The following ZSCAN20 variants were observed in gnomAD, a reference collection of about 807,000 sequenced individuals.
ZSCAN20 encodes the protein zinc finger and SCAN domain-containing protein 20.
Under a neutral mutation model 97.1 loss-of-function variants are expected in ZSCAN20, and 39 were observed. The observed-to-expected ratio is 0.40, with a 90% CI of 0.31 to 0.52. The LOEUF (loss-of-function observed/expected upper bound fraction) is 0.52. Among genes scored for constraint, ZSCAN20 ranks in the 20% least tolerant of loss-of-function variants. ZSCAN20 has a pLI of 0.49. For synonymous variants in ZSCAN20, 456 were observed against 467.3 expected, an observed-to-expected ratio of 0.98 and a Z score of 0.31; for missense variants, 1,115 against 1,290.4, an observed-to-expected ratio of 0.86 and a Z score of 2.08.
Position 33,496,316 on chromosome 1 carries a change from A to C in ZSCAN20, c.*840A>C, listed in dbSNP as rs1652861106. ...TTTGTAGACCACATTTCCTGTTATGAAATTTCCACATTTTGAATTTTTTAA... is the reference window on the plus strand; with the variant it reads ...TTTGTAGACCACATTTCCTGTTATGCAATTTCCACATTTTGAATTTTTTAA... On this transcript the variant is annotated 3_prime_UTR_variant, in exon 8 of 8. Transcript: ENST00000684572. 6.6e-6 allele frequency: 1 copy of C among 152,214 alleles called. No homozygotes were observed. The highest frequency in any genetic ancestry group is 3.2e-3 in the Middle Eastern group (1 of 316). The allele number at this position is 152,214 out of a possible 1,614,324, so 9.4% of individuals were successfully genotyped here. A position where few individuals can be genotyped will look rare whatever the true frequency, so the allele number is the denominator to read the frequency against.
chr1:33,489,682 T>G, intron 5 of ZSCAN20, 80 bp downstream of exon 5: 1 of 1,300,988 alleles, frequency 7.7e-7, no homozygotes, highest in Non-Finnish European at 1.1e-6. Context: ...TGCCGCTCCT[T>G]TAAGAATCAT....
Position 33,501,460 on chromosome 1 carries a change from C to CAG in ZSCAN20, c.*5984_*5985insAG, listed in dbSNP as rs1239506167. Among the ~76,000 whole-genome samples, 1 of 151,692 alleles carries CAG rather than the reference C, an allele frequency of 6.6e-6. No homozygotes were observed. The highest frequency in any genetic ancestry group is 2.4e-5 in the African/African-American group (1 of 41,254). On this transcript the variant is annotated 3_prime_UTR_variant, in exon 8 of 8. Transcript: ENST00000684572. ...TCCAATTCTAAAACCTGAACAGGCCCTTTTGTTTTGCAATTTGTGGACCAA... is the reference window on the plus strand; with the variant it reads ...TCCAATTCTAAAACCTGAACAGGCCCAGTTTTGTTTTGCAATTTGTGGACCAA...
In ZSCAN20 at chr1:33,495,448, G is replaced by A; in HGVS notation, c.3104G>A (p.Arg1035Lys). 6.4e-7 allele frequency: 1 copy of A among 1,552,426 alleles called. No individual in the cohort carries two copies. The highest frequency in any genetic ancestry group is 8.7e-7 in the Non-Finnish European group (1 of 1,148,816). ...AGTTCCCACTTCAGTGCTCACCGGA[G>A]AACCCATGCAGGAGGGAAGGCGTCG... ...NNSSHFSAHR[R>K]THAGGKAS The change falls in exon 8 of 8, where the codon AGA (arginine) becomes AAA (lysine). Residue 1035 changes from arginine (R) to lysine (K), a missense_variant. Coordinates refer to ENST00000684572, the MANE Select transcript of ZSCAN20 (RefSeq NM_001377376.1).
At position 33,491,092 on chromosome 1, in the gene ZSCAN20, T is replaced by C. The variant is rs1319357931; in HGVS notation, c.834T>C (p.Ser278=). The C allele has an allele frequency of 6.2e-7, 1 of 1,612,726 alleles. No homozygotes were observed. Among genetic ancestry groups the C allele is most frequent in the Non-Finnish European group, 8.5e-7 (1 of 1,179,796 alleles). The change falls in exon 6 of 8, where the codon AGT becomes AGC. Residue 278 remains serine, a synonymous_variant. Transcript: ENST00000684572. The surrounding 1 kb of genome is among the most constrained non-coding windows in gnomAD (Gnocchi z 4.3). ...AAGGACCAGAGTTTTGGGGTCTAAGTCTTATAAATTCTGGGAAAAGGAGCA... is the reference window on the plus strand; with the variant it reads ...AAGGACCAGAGTTTTGGGGTCTAAGCCTTATAAATTCTGGGAAAAGGAGCA... ...KEQGPEFWGL[S]LINSGKRSTA... is the part of the protein sequence containing the mutation.
At chr1:33,489,754 C>G in intron 5 of ZSCAN20, 152 bp downstream of exon 5, 1 of 733,572 alleles carries the variant, frequency 1.4e-6, no homozygotes. Flanking sequence ...AGCCAGCACT[C>G]TCATGGCAGG....
chr1:33,489,427 TCCCATC>T, intron 4 of ZSCAN20, 85 bp from the exon 5 acceptor site: 1 of 1,305,234 alleles, frequency 7.7e-7, no homozygotes, highest in South Asian at 1.2e-5. Context: ...ATCCCTCTGT[TCCCATC>T]ATCTTTCCTG....
Position 33,491,637 on chromosome 1 carries a change from T to C in ZSCAN20, c.1379T>C (p.Val460Ala). ...GAAGACTGTAACGGTGCTGGCCTGG[T>C]CAATGTTGAGTCTACCCAGGGGCCC... Reference protein sequence around the residue: ...MAEDCNGAGLVNVESTQGPRI... With the variant: ...MAEDCNGAGLANVESTQGPRI... The change falls in exon 6 of 8, where the codon GTC becomes GCC. Residue 460 changes from valine to alanine, a missense_variant. Coordinates refer to ENST00000684572, the MANE Select transcript of ZSCAN20 (RefSeq NM_001377376.1). The surrounding 1 kb of genome is among the most constrained non-coding windows in gnomAD (Gnocchi z 4.3). 1 of 1,614,080 alleles carries C rather than the reference T, an allele frequency of 6.2e-7. No homozygotes were observed. The highest frequency in any genetic ancestry group is 1.1e-5 in the South Asian group (1 of 91,054).
chr1:33,478,273 G>C (rs1381082932), intron 1 of ZSCAN20, among the ~76,000 whole-genome samples: 1 of 152,158 alleles, frequency 6.6e-6, no homozygotes, highest in Non-Finnish European at 1.5e-5. Flanking sequence ...TCAGGTGGAA[G>C]ACATGATGAT....
At chr1:33,489,463 A>G in intron 4 of ZSCAN20, 55 bp from the exon 5 acceptor site, 1 of 1,567,158 alleles carries the variant, frequency 6.4e-7, no homozygotes, top group South Asian at 1.1e-5. Context: ...TAGGGTTCCT[A>G]GGCTGTTGTC....
At chr1:33,472,774 TG>T (rs1421694440) in intron 1 of ZSCAN20, 83 bp downstream of exon 1, 1 of 121,274 alleles carries the variant, frequency 8.2e-6, no homozygotes, top group African/African-American at 3.3e-5. Context: ...CACAGGGGGC[TG>T]GGGAAGGTGA....
rs185273276 is a variant in ZSCAN20, at chr1:33,491,741, C to T, written c.1444+39C>T. 1.3e-6 allele frequency: 2 copies of T among 1,524,294 alleles called. No individual in the cohort carries two copies. The highest frequency in any genetic ancestry group is 2.3e-5 in the East Asian group (1 of 44,156). 94.4% of individuals were successfully genotyped at this position (1,524,294 alleles called of 1,614,324 possible). A position where few individuals can be genotyped will look rare whatever the true frequency, so the allele number is the denominator to read the frequency against. ...GGTTTAGTCAGATTCAGATTTCCAA[C>T]CCTCCTACCAGCTAGACTGCTATTC... On this transcript the variant is annotated intron_variant, in intron 6 of 7. Coordinates refer to ENST00000684572, the MANE Select transcript of ZSCAN20 (RefSeq NM_001377376.1). This position sits in a 1 kb window ranked among gnomAD's most constrained non-coding sequence, Gnocchi z 4.3.
rs1157879388 is a variant in ZSCAN20, at chr1:33,491,607, T to A, written c.1349T>A (p.Met450Lys). Reference sequence around the variant, plus strand: ...GAAGGGGGCTGGGATCCTGAAGAAATGGCAGAAGACTGTAACGGTGCTGGC... The same window carrying A: ...GAAGGGGGCTGGGATCCTGAAGAAAAGGCAGAAGACTGTAACGGTGCTGGC... ...QEEGGWDPEE[M>K]AEDCNGAGLV... Residue 450 changes from methionine to lysine, a missense_variant, in exon 6 of 8, where the codon ATG (methionine) becomes AAG (lysine). Met to Lys is a moderately conservative substitution (Grantham distance 95). This residue lies in a region of ZSCAN20 where 508 missense variants were observed against 611.2 expected (regional missense o/e 0.83). Transcript: ENST00000684572. The surrounding 1 kb of genome is among the most constrained non-coding windows in gnomAD (Gnocchi z 4.3). The A allele has an allele frequency of 1.9e-6, 3 of 1,613,962 alleles. No homozygotes were observed. In the African/African-American group the frequency reaches 4.0e-5, roughly 22 times the overall value.
At chr1:33,490,882 A>G (rs1321615852) in intron 5 of ZSCAN20, 143 bp from the exon 6 acceptor site, 5 of 705,072 alleles carry the variant, frequency 7.1e-6, no homozygotes, top group South Asian at 2.0e-5. Flanking sequence ...CTCTCTCCCT[A>G]TTCCTGTAAA....
chr1:33,489,651 C>T, intron 5 of ZSCAN20, 49 bp downstream of exon 5: 2 of 1,550,724 alleles, frequency 1.3e-6, no homozygotes, highest in Non-Finnish European at 1.8e-6. Flanking sequence ...TTCTGATACA[C>T]CCAGTTCCCA....
Position 33,491,167 on chromosome 1 carries a change from G to C in ZSCAN20, c.909G>C (p.Arg303Ser), listed in dbSNP as rs745858190. The C allele has an allele frequency of 1.2e-6, 2 of 1,614,014 alleles. No homozygotes were observed. Among genetic ancestry groups the C allele is most frequent in the African/African-American group, 2.7e-5 (2 of 74,902 alleles). Residue 303 changes from arginine to serine, a missense_variant, in exon 6 of 8, where the codon AGG (arginine) becomes AGC (serine). This residue lies in a region of ZSCAN20 where 508 missense variants were observed against 611.2 expected (regional missense o/e 0.83). Transcript: ENST00000684572. This position sits in a 1 kb window ranked among gnomAD's most constrained non-coding sequence, Gnocchi z 4.3. ...DNEPAQALTW[R>S]DSRAWEEQYQ... ...AGCCAGCTCAGGCATTGACCTGGAG[G>C]GATTCAAGAGCCTGGGAGGAACAAT...
At chr1:33,478,085 G>C (rs1459914555) in intron 1 of ZSCAN20, among the ~76,000 whole-genome samples, 5 of 152,182 alleles carry the variant, frequency 3.3e-5, no homozygotes. Context: ...ATGGTAAAGA[G>C]ACGAGTTGGA....
Position 33,494,282 on chromosome 1 carries a change from T to C in ZSCAN20, c.1938T>C (p.Pro646=), listed in dbSNP as rs1232085698. The part of the protein sequence containing the change: ...ISEQDIFEGL[P]GALSKCPTEA... ...AGCAGGACATTTTTGAGGGTTTGCC[T>C]GGAGCCTTATCAAAATGTCCTACAG... Residue 646 remains proline (P), a synonymous_variant, in exon 8 of 8, where the codon CCT becomes CCC. Coordinates refer to ENST00000684572, the MANE Select transcript of ZSCAN20 (RefSeq NM_001377376.1). The C allele has an allele frequency of 6.2e-7, 1 of 1,613,046 alleles. No individual in the cohort carries two copies.
At chr1:33,485,363 G>C (rs1162722673) in intron 2 of ZSCAN20, among the ~76,000 whole-genome samples, 1 of 152,090 alleles carries the variant, frequency 6.6e-6, no homozygotes, top group Admixed American at 6.6e-5. Context: ...GATCTGTAGT[G>C]ATGTCTCTGT....
At position 33,491,492 on chromosome 1, in the gene ZSCAN20, C is replaced by G. The variant is rs200017773; in HGVS notation, c.1234C>G (p.Arg412Gly). The change falls in exon 6 of 8, where the codon CGG (arginine) becomes GGG (glycine). Residue 412 changes from arginine (R) to glycine (G), a missense_variant. By Grantham distance (125) the Arg-to-Gly change is moderately radical (BLOSUM62 -2). Transcript: ENST00000684572. The surrounding 1 kb of genome is among the most constrained non-coding windows in gnomAD (Gnocchi z 4.3). ...GGAGCTGGAGGCCCTGGTCAGGGCTCGGACAGCCATCAGAGCCACAGATGG... is the reference window on the plus strand; with the variant it reads ...GGAGCTGGAGGCCCTGGTCAGGGCTGGGACAGCCATCAGAGCCACAGATGG... ...YEELEALVRA[R>G]TAIRATDGPG... 7 of 1,613,970 alleles carry G rather than the reference C, an allele frequency of 4.3e-6. No homozygotes were observed. Among genetic ancestry groups the G allele is most frequent in the Non-Finnish European group, 5.9e-6 (7 of 1,179,900 alleles).
Sources: gnomAD v4.1 joint callset for allele counts (sites outside exome capture counted in the v4.1 genomes callset) on GRCh38, gnomAD v4.1.1 for gene constraint, gnomAD v4.1.1 regional missense constraint, Gnocchi (gnomAD v3.1) non-coding constraint, MANE v1.5 for transcripts, NCBI Gene and HGNC (gene_info 2026-07-23, HGNC 2026-07-21) for gene names.